The following IL3RA variants were observed in gnomAD, a reference collection of about 807,000 sequenced individuals.
IL3RA encodes the protein interleukin-3 receptor subunit alpha.
In IL3RA, 73 loss-of-function variants were observed where a neutral mutation model predicts 52.3. The observed-to-expected ratio is 1.40, with a 90% CI of 1.16 to 1.70. The LOEUF (loss-of-function observed/expected upper bound fraction) is 1.70. Ranked by LOEUF, IL3RA falls within the 40% of genes most tolerant of loss-of-function variation. IL3RA has a pLI of 0.00. For missense variants in IL3RA, 664 were observed against 504.4 expected (o/e 1.32, Z -3.03); for synonymous variants, 260 against 194.0 (o/e 1.34, Z -2.83).
chrX:1,379,829 G>A (rs1244417963), intron 10 of IL3RA, among the ~76,000 whole-genome samples: 2 of 152,126 alleles, frequency 1.3e-5, no homozygotes, highest in Admixed American at 6.5e-5. Context: ...GCGCCATCTC[G>A]GTTCACTGCA....
intron 10 of IL3RA, 121 bp from the exon 11 acceptor site, chrX:1,380,902 C>T (rs1418407896): frequency 1.3e-5 from 11 of 818,548 alleles, no homozygotes; most frequent in African/African-American, 5.1e-5. Flanking sequence ...AGAGACCCCT[C>T]GAGTAGATGA....
chrX:1,350,899 ACAGATGCACACACACG>A (rs1297756629), intron 4 of IL3RA, among the ~76,000 whole-genome samples: 1 of 149,256 alleles, frequency 6.7e-6, no homozygotes, highest in Non-Finnish European at 1.5e-5. Context: ...AAACACACAC[ACAGATGCACACACACG>A]CACACACACA....
chrX:1,356,408 G>C lies in IL3RA; in HGVS notation c.732+72G>C. The C allele has an allele frequency of 4.4e-6, 4 of 915,454 alleles. No individual in the cohort carries two copies. The South Asian group carries it at 5.9e-5, about 13-fold the overall frequency. The allele number at this position is 915,454 out of a possible 1,614,324, so 56.7% of individuals were successfully genotyped here. A position where few individuals can be genotyped will look rare whatever the true frequency, so the allele number is the denominator to read the frequency against. ...CTTATTTTTGGTAAGTCGCACTCTG[G>C]GGCCTTGAAACGGGCAACAATCTCC... is the stretch of plus-strand genomic sequence containing the variant. On this transcript the variant is annotated intron_variant, in intron 7 of 11. Coordinates refer to ENST00000331035, the MANE Select transcript of IL3RA (RefSeq NM_002183.4).
In IL3RA at chrX:1,352,445, G is replaced by A. The variant is rs1359100218; in HGVS notation, c.555G>A (p.Arg185=). ...SGSQSSHILV[R]GRSAAFGIPC... The stretch of plus-strand genomic sequence containing the variant: ...CTCAAAGTTCCCACATCCTGGTGCG[G>A]GGCAGGAGCGCAGCCTTCGGTATCC... The change falls in exon 6 of 12, where the codon CGG becomes CGA. Residue 185 remains arginine, a synonymous_variant. Coordinates refer to ENST00000331035, the MANE Select transcript of IL3RA (RefSeq NM_002183.4). The A allele has an allele frequency of 1.9e-6, 3 of 1,613,740 alleles. No homozygotes were observed. Among genetic ancestry groups the A allele is most frequent in the Non-Finnish European group, 2.5e-6 (3 of 1,179,878 alleles).
intron 7 of IL3RA, 108 bp from the exon 8 acceptor site, chrX:1,358,753 C>G: frequency 3.4e-6 from 4 of 1,175,080 alleles, no homozygotes; most frequent in Non-Finnish European, 5.1e-6. Context: ...CTTCCCAGAG[C>G]CCTCACTGTT....
intron 8 of IL3RA, among the ~76,000 whole-genome samples, chrX:1,361,324 A>G (rs2087335486): frequency 6.6e-6 from 1 of 152,046 alleles, no homozygotes; most frequent in Non-Finnish European, 1.5e-5. Flanking sequence ...ATAAACATAT[A>G]CCCAAGACTG....
intron 11 of IL3RA, 121 bp from the exon 12 acceptor site, chrX:1,382,270 G>A (rs369866445): frequency 2.2e-5 from 20 of 927,578 alleles, no homozygotes; most frequent in African/African-American, 9.9e-5. Context: ...GATGACAGGC[G>A]TGAGACACCA....
chrX:1,343,608 C>T (rs745371552), intron 2 of IL3RA, among the ~76,000 whole-genome samples: 23 of 136,650 alleles, frequency 1.7e-4, no homozygotes, highest in East Asian at 4.7e-4. Flanking sequence ...CGGAGGTTGC[C>T]GTGAGCCAAG....
chrX:1,352,391 C>A lies in IL3RA; in HGVS notation c.501C>A (p.Phe167Leu), dbSNP rs757741156. ...AGGGAACACGTATCGGGTGTCGTTT[C>A]GATGACATCTCTCGACTCTCCAGCG... ...DAQGTRIGCR[F>L]DDISRLSSGS... Residue 167 changes from phenylalanine to leucine, a missense_variant, in exon 6 of 12, where the codon TTC becomes TTA. Physicochemically the swap from Phe to Leu is conservative, Grantham distance 22. Transcript: ENST00000331035. 1.7e-5 allele frequency: 28 copies of A among 1,613,842 alleles called. 1 individual carries two copies. The South Asian group carries it at 3.1e-4, about 18-fold the overall frequency.
At chrX:1,352,577 C>T in intron 6 of IL3RA, 71 bp downstream of exon 6, 4 of 1,469,100 alleles carry the variant, frequency 2.7e-6, no homozygotes, top group Middle Eastern at 2.5e-4. Context: ...AGGCCAGATC[C>T]CACGGGACCA....
chrX:1,365,583 C>G (rs752304218), intron 9 of IL3RA, among the ~76,000 whole-genome samples: 104 of 3,994 alleles, frequency 0.026, no homozygotes, highest in Middle Eastern at 0.12. Flanking sequence ...CGGGGTGAGC[C>G]GGGTGCGCGG....
At chrX:1,358,640 C>A (rs1402273980) in intron 7 of IL3RA, among the ~76,000 whole-genome samples, 4 of 152,164 alleles carry the variant, frequency 2.6e-5, no homozygotes, top group Admixed American at 1.3e-4. Flanking sequence ...GCCTGGGTGA[C>A]GGAGTGAGAC....
chrX:1,341,997 G>T (rs2085514878), intron 2 of IL3RA, among the ~76,000 whole-genome samples, 168 bp downstream of exon 2: 1 of 152,006 alleles, frequency 6.6e-6, no homozygotes, highest in South Asian at 2.1e-4. Context: ...CCGTCACCAA[G>T]TTCCCTGTAA....
intron 1 of IL3RA, 147 bp from the exon 2 acceptor site, chrX:1,341,579 GAC>G: frequency 1.6e-6 from 1 of 633,600 alleles, no homozygotes; most frequent in Non-Finnish European, 2.8e-6. Context: ...TTTGCACACA[GAC>G]ACATATGCAC....
chrX:1,341,551 TGC>T (rs1232488866), intron 1 of IL3RA, among the ~76,000 whole-genome samples, 175 bp from the exon 2 acceptor site: 26 of 22,054 alleles, frequency 1.2e-3, no homozygotes, highest in Non-Finnish European at 4.2e-3. Flanking sequence ...CTGATGTGCA[TGC>T]ATGTGCAAAG....
intron 6 of IL3RA, among the ~76,000 whole-genome samples, chrX:1,354,361 A>G (rs1319139262): frequency 6.6e-6 from 1 of 151,806 alleles, no homozygotes; most frequent in Non-Finnish European, 1.5e-5. Flanking sequence ...TGAGAATGTC[A>G]ATATGCCCAG....
intron 8 of IL3RA, among the ~76,000 whole-genome samples, chrX:1,359,404 T>C (rs1195528672): frequency 6.6e-6 from 1 of 151,946 alleles, no homozygotes; most frequent in Non-Finnish European, 1.5e-5. Context: ...CTCTGTCCCC[T>C]CTCTCTCTGT....
At chrX:1,381,254 C>G in intron 11 of IL3RA, 150 bp downstream of exon 11, 1 of 734,396 alleles carries the variant, frequency 1.4e-6, no homozygotes, top group Non-Finnish European at 2.4e-6. Flanking sequence ...CAAAATTAGC[C>G]GGGTGTGGTG....
chrX:1,363,815 G>T (rs1157708374), intron 8 of IL3RA, among the ~76,000 whole-genome samples: 3 of 151,996 alleles, frequency 2.0e-5, no homozygotes, highest in South Asian at 4.1e-4. Flanking sequence ...TGCCTCCTGG[G>T]CTCAAGGGAT....
Sources: allele counts gnomAD v4.1 joint callset (sites outside exome capture counted in the v4.1 genomes callset), GRCh38; gene constraint gnomAD v4.1.1; transcripts MANE v1.5; gene names NCBI Gene and HGNC (gene_info 2026-07-23, HGNC 2026-07-21).